The following CNOT4 variants were observed in gnomAD, a reference collection of about 807,000 sequenced individuals.
The protein encoded by CNOT4 is CCR4-associated factor 4.
A neutral mutation model predicts 73.8 loss-of-function variants in CNOT4; 8 were observed. The observed-to-expected ratio is 0.11, with a 90% CI of 0.06 to 0.20. CNOT4 has a LOEUF of 0.20. Among genes scored for constraint, CNOT4 ranks in the 10% least tolerant of loss-of-function variants. CNOT4 has a pLI of 1.00. For missense variants in CNOT4, 564 were observed against 883.4 expected, an observed-to-expected ratio of 0.64 and a Z score of 4.58; for synonymous variants, 293 against 321.1, an observed-to-expected ratio of 0.91 and a Z score of 0.94.
At chr7:135,466,178 A>T (rs1050110605) in intron 1 of CNOT4, among the ~76,000 whole-genome samples, 1 of 151,888 alleles carries the variant, frequency 6.6e-6, no homozygotes, top group South Asian at 2.1e-4. Flanking sequence ...AATTTTTTTT[A>T]AATTAAGAAG....
chr7:135,472,674 T>C (rs111436715), intron 1 of CNOT4, among the ~76,000 whole-genome samples: 2,966 of 148,688 alleles, frequency 0.02, 110 homozygotes, highest in African/African-American at 0.07. Flanking sequence ...AACAAAGAAG[T>C]TTAAATATGC....
In CNOT4 at chr7:135,453,848, T is replaced by TATATATATATATATATATATA. The variant is rs61345541; in HGVS notation, c.-92-15426_-92-15425insTATATATATATATATATATAT. ...ATTTTATATATATATATATATATAT[T>TATATATATATATATATATATA]ATATATATAGCTGGTACAGCAGCTC... On this transcript the variant is annotated intron_variant, in intron 1 of 11. Coordinates refer to ENST00000541284, the MANE Select transcript of CNOT4 (RefSeq NM_001190850.2). Among the ~76,000 whole-genome samples the TATATATATATATATATATATA allele has an allele frequency of 1.6e-3, 188 of 116,678 alleles. 2 individuals carry two copies. The highest frequency in any genetic ancestry group is 2.7e-3 in the Non-Finnish European group (149 of 54,524). The allele number at this position is 116,678 out of a possible 152,430, so 76.5% of individuals were successfully genotyped here.
intron 1 of CNOT4, among the ~76,000 whole-genome samples, chr7:135,480,509 A>T (rs1358858746): frequency 6.6e-6 from 1 of 152,192 alleles, no homozygotes; most frequent in Non-Finnish European, 1.5e-5. Context: ...ACCAGTGCCT[A>T]CCAAACTTGA....
At chr7:135,380,377 G>A (rs1795778621) in intron 10 of CNOT4, among the ~76,000 whole-genome samples, 1 of 152,104 alleles carries the variant, frequency 6.6e-6, no homozygotes, top group Non-Finnish European at 1.5e-5. Context: ...CTCCACCTCT[G>A]TTTTACTCTT....
intron 1 of CNOT4, among the ~76,000 whole-genome samples, chr7:135,488,881 G>T (rs922464886): frequency 6.6e-6 from 1 of 152,072 alleles, no homozygotes; most frequent in Admixed American, 6.5e-5. Context: ...AATAAGTTAT[G>T]CTTGTGTAGT....
intron 1 of CNOT4, among the ~76,000 whole-genome samples, chr7:135,442,976 T>C (rs1235758581): frequency 2.6e-5 from 4 of 152,112 alleles, no homozygotes; most frequent in African/African-American, 9.7e-5. Context: ...GGAGGATTGC[T>C]TGACCAAAGG....
intron 1 of CNOT4, among the ~76,000 whole-genome samples, chr7:135,481,779 C>T (rs1802395980): frequency 6.6e-6 from 1 of 152,138 alleles, no homozygotes; most frequent in South Asian, 2.1e-4. Context: ...ATGTCATTTG[C>T]AGCAACATAG....
intron 10 of CNOT4, among the ~76,000 whole-genome samples, chr7:135,385,142 C>T (rs117052790): frequency 4.7e-4 from 72 of 152,332 alleles, no homozygotes; most frequent in African/African-American, 1.6e-3. Context: ...AAATCTATTA[C>T]CCCATTACTG....
intron 1 of CNOT4, among the ~76,000 whole-genome samples, chr7:135,474,927 T>C (rs1801898943): frequency 6.6e-6 from 1 of 152,176 alleles, no homozygotes; most frequent in Non-Finnish European, 1.5e-5. Context: ...AGTAAGTTCA[T>C]GTCTAGAAAT....
chr7:135,497,863 T>C (rs1803691016), intron 1 of CNOT4, among the ~76,000 whole-genome samples: 1 of 152,264 alleles, frequency 6.6e-6, no homozygotes, highest in Non-Finnish European at 1.5e-5. Flanking sequence ...TGAAAATATA[T>C]GTTTAGTACT....
chr7:135,413,357 G>T, intron 6 of CNOT4, 131 bp downstream of exon 6: 1 of 1,025,644 alleles, frequency 9.7e-7, no homozygotes, highest in Non-Finnish European at 1.4e-6. Flanking sequence ...ACTTCATTTG[G>T]CAAATGCTAC....
intron 9 of CNOT4, 31 bp downstream of exon 9, chr7:135,395,603 A>G: frequency 6.3e-7 from 1 of 1,592,696 alleles, no homozygotes; most frequent in South Asian, 1.1e-5. Flanking sequence ...TAAGAGCATA[A>G]TTACTAATAC....
chr7:135,387,369 T>C (rs1283064046), intron 10 of CNOT4: 1 of 984,372 alleles, frequency 1.0e-6, no homozygotes, highest in Non-Finnish European at 1.2e-6. Flanking sequence ...TCACTGTACC[T>C]TGGGATAAAG....
intron 1 of CNOT4, among the ~76,000 whole-genome samples, chr7:135,461,965 T>C (rs1423905205): frequency 6.6e-6 from 1 of 152,066 alleles, no homozygotes; most frequent in Non-Finnish European, 1.5e-5. Flanking sequence ...CAAACTCTTC[T>C]CTTTAAAAAA....
At chr7:135,438,957 T>A (rs189058636) in intron 1 of CNOT4, among the ~76,000 whole-genome samples, 324 of 152,218 alleles carry the variant, frequency 2.1e-3, no homozygotes, top group African/African-American at 7.5e-3. Context: ...ACAATACAAC[T>A]AATTATGTAA....
At chr7:135,382,811 C>G (rs958795349) in intron 10 of CNOT4, among the ~76,000 whole-genome samples, 4 of 152,096 alleles carry the variant, frequency 2.6e-5, no homozygotes, top group African/African-American at 9.7e-5. Context: ...CATATATGTG[C>G]AGGTCATATG....
intron 1 of CNOT4, among the ~76,000 whole-genome samples, chr7:135,454,462 T>C (rs1012642770): frequency 6.6e-6 from 1 of 151,780 alleles, no homozygotes; most frequent in Admixed American, 6.6e-5. Flanking sequence ...AAGACCAGCC[T>C]GGGCAATATG....
At chr7:135,484,108 T>C (rs1802564134) in intron 1 of CNOT4, among the ~76,000 whole-genome samples, 2 of 152,100 alleles carry the variant, frequency 1.3e-5, no homozygotes. Context: ...GGCAGAAGAA[T>C]CACTTGACCC....
intron 10 of CNOT4, among the ~76,000 whole-genome samples, chr7:135,371,215 C>G (rs1228023867): frequency 6.6e-6 from 1 of 152,158 alleles, no homozygotes; most frequent in African/African-American, 2.4e-5. Context: ...GTGTTGCAGT[C>G]AGCAATTAAA....
Sources: allele counts gnomAD v4.1 joint callset (sites outside exome capture counted in the v4.1 genomes callset), GRCh38; gene constraint gnomAD v4.1.1; transcripts MANE v1.5; gene names NCBI Gene and HGNC (gene_info 2026-07-23, HGNC 2026-07-21).